The following EEF2K variants were observed in gnomAD, a reference collection of about 807,000 sequenced individuals.
EEF2K encodes the protein alternative protein EEF2K.
In EEF2K, 70 loss-of-function variants were observed where a neutral mutation model predicts 93.8. That is an observed-to-expected ratio of 0.75 (90% CI 0.62 to 0.91). The LOEUF is 0.91. Among genes scored for constraint, EEF2K ranks in the 40% least tolerant of loss-of-function variants. The pLI is 0.00. For synonymous variants in EEF2K, 376 were observed against 380.8 expected (o/e 0.99, Z 0.15); for missense variants, 935 against 972.9 (o/e 0.96, Z 0.52).
chr16:22,279,563 ATTTC>A (rs1382937410), intron 16 of EEF2K, among the ~76,000 whole-genome samples: 2 of 152,110 alleles, frequency 1.3e-5, no homozygotes, highest in African/African-American at 2.4e-5. Context: ...GGTATAAACA[ATTTC>A]TTTATACTCT....
At chr16:22,222,365 C>G (rs1449399426) in intron 1 of EEF2K, among the ~76,000 whole-genome samples, 1 of 151,688 alleles carries the variant, frequency 6.6e-6, no homozygotes, top group African/African-American at 2.4e-5. Flanking sequence ...ACCATCACAC[C>G]CAGCTAATTT....
At chr16:22,273,561 C>A in intron 15 of EEF2K, 65 bp from the exon 16 acceptor site, 1 of 1,585,488 alleles carries the variant, frequency 6.3e-7, no homozygotes, top group South Asian at 1.1e-5. Context: ...GTAGTGAGAT[C>A]TTGGCAGCCC....
intron 15 of EEF2K, among the ~76,000 whole-genome samples, chr16:22,271,266 G>A (rs1038216524): frequency 2.7e-5 from 4 of 150,792 alleles, no homozygotes; most frequent in African/African-American, 4.9e-5. Context: ...CACCACACCC[G>A]GCCTTTCTCT....
chr16:22,272,413 G>A (rs1283026724), intron 15 of EEF2K, among the ~76,000 whole-genome samples: 1 of 152,204 alleles, frequency 6.6e-6, no homozygotes, highest in African/African-American at 2.4e-5. Flanking sequence ...ACTGTGCTAA[G>A]TGAAAAGAGT....
chr16:22,207,586 G>T (rs907360127), intron 1 of EEF2K, among the ~76,000 whole-genome samples: 1 of 152,098 alleles, frequency 6.6e-6, no homozygotes, highest in Non-Finnish European at 1.5e-5. Context: ...GGCACACAGT[G>T]TCATAGTCTA....
At chr16:22,239,082 T>C (rs1598177466) in intron 2 of EEF2K, among the ~76,000 whole-genome samples, 1 of 133,192 alleles carries the variant, frequency 7.5e-6, no homozygotes, top group Non-Finnish European at 1.6e-5. Flanking sequence ...CTTTTTATAC[T>C]GTGCTTATTA....
chr16:22,264,363 A>G (rs1009724378), intron 12 of EEF2K, among the ~76,000 whole-genome samples: 1 of 149,836 alleles, frequency 6.7e-6, no homozygotes, highest in Non-Finnish European at 1.5e-5. Flanking sequence ...CCAGCACTTT[A>G]GGAGGGCAAT....
Position 22,280,246 on chromosome 16 carries a change from G to A in EEF2K, c.1938G>A (p.Glu646=). The A allele has an allele frequency of 1.2e-6, 2 of 1,602,106 alleles. No individual in the cohort carries two copies. Residue 646 remains glutamate, a synonymous_variant, in exon 17 of 18, where the codon GAG becomes GAA. Transcript: ENST00000263026. ...TGCACTGGTACAACACTGCCCTGGA[G>A]ATGACGGACTGTGATGAGGGCGGTG... is the stretch of plus-strand genomic sequence containing the variant. ...EALHWYNTAL[E]MTDCDEGGEY... is the part of the protein sequence containing the mutation.
At chr16:22,252,911 G>A (rs2047364962) in intron 6 of EEF2K, among the ~76,000 whole-genome samples, 1 of 152,020 alleles carries the variant, frequency 6.6e-6, no homozygotes, top group Non-Finnish European at 1.5e-5. Context: ...GAACAGTATG[G>A]GGGAAACCAC....
chr16:22,251,300 A>G lies in EEF2K; in HGVS notation c.596A>G (p.Asn199Ser). Residue 199 changes from asparagine to serine, a missense_variant, in exon 6 of 18, where the codon AAT becomes AGT. Transcript: ENST00000263026. ...GCCAAGCTCTGGGGGGAGGAGTATA[A>G]TCGGCACAAGCCCCCCAAGCAGGTG... The part of the protein sequence containing the change: ...MEAKLWGEEY[N>S]RHKPPKQVDI... 6.2e-7 allele frequency: 1 copy of G among 1,614,118 alleles called. No homozygotes were observed. Among genetic ancestry groups the G allele is most frequent in the Middle Eastern group, 1.7e-4 (1 of 6,060 alleles).
At chr16:22,222,333 G>T (rs755684096) in intron 1 of EEF2K, among the ~76,000 whole-genome samples, 2 of 151,656 alleles carry the variant, frequency 1.3e-5, no homozygotes, top group Non-Finnish European at 2.9e-5. Flanking sequence ...AACCACCTGA[G>T]TAGCTGGGAC....
intron 16 of EEF2K, among the ~76,000 whole-genome samples, chr16:22,277,468 C>T (rs2047648682): frequency 6.6e-6 from 1 of 152,140 alleles, no homozygotes. Flanking sequence ...AAGATTATTT[C>T]CTGAGCACCA....
In EEF2K at chr16:22,251,138, C is replaced by T; in HGVS notation, c.447-13C>T. On this transcript the variant is annotated splice_polypyrimidine_tract_variant and intron_variant, in intron 5 of 17. Transcript: ENST00000263026. ...GAGTACCCAGGTAGGCCCCCTGTTGCCTCTTCCCACAGGAAGAAGCTCTCC... is the reference window on the plus strand; with the variant it reads ...GAGTACCCAGGTAGGCCCCCTGTTGTCTCTTCCCACAGGAAGAAGCTCTCC... 2 of 1,610,838 alleles carry T rather than the reference C, an allele frequency of 1.2e-6. No homozygotes were observed. Among genetic ancestry groups the T allele is most frequent in the Admixed American group, 3.3e-5 (2 of 59,808 alleles).
At chr16:22,275,428 C>T (rs2047625033) in intron 16 of EEF2K, among the ~76,000 whole-genome samples, 1 of 151,936 alleles carries the variant, frequency 6.6e-6, no homozygotes, top group Non-Finnish European at 1.5e-5. Context: ...CTGCAACCTC[C>T]ACCTCCTGGG....
Position 22,257,545 on chromosome 16 carries a change from G to A in EEF2K, c.902-98G>A, listed in dbSNP as rs1598192660. The A allele has an allele frequency of 7.7e-6, 12 of 1,558,522 alleles. No individual in the cohort carries two copies. In the Admixed American group the frequency reaches 1.3e-4, roughly 17 times the overall value. On this transcript the variant is annotated intron_variant, in intron 8 of 17. Transcript: ENST00000263026. Reference sequence around the variant, plus strand: ...TGTCTGATGCCTCCCAGCTTGGCACGTTTTATACCTGCCCTGGCCATATGT... The same window carrying A: ...TGTCTGATGCCTCCCAGCTTGGCACATTTTATACCTGCCCTGGCCATATGT...
intron 2 of EEF2K, among the ~76,000 whole-genome samples, chr16:22,230,461 G>A (rs937830470): frequency 2.6e-5 from 4 of 151,968 alleles, no homozygotes; most frequent in African/African-American, 7.2e-5. Context: ...TGATCCGCCC[G>A]CCTCAGCTTC....
Position 22,244,693 on chromosome 16 carries a change from C to G in EEF2K, c.310C>G (p.Leu104Val). The change falls in exon 3 of 18, where the codon CTG becomes GTG. Residue 104 changes from leucine to valine, a missense_variant. Leu to Val is a conservative substitution (Grantham distance 32). Coordinates refer to ENST00000263026, the MANE Select transcript of EEF2K (RefSeq NM_013302.5). ...GCCCGACCCCTGGGCTGAGTTCCAC[C>G]TGGAAGATATTGCCACCGAACGTGC... ...HMPDPWAEFH[L>V]EDIATERATR... The G allele has an allele frequency of 6.2e-7, 1 of 1,614,074 alleles. No homozygotes were observed. The highest frequency in any genetic ancestry group is 1.1e-5 in the South Asian group (1 of 91,078).
chr16:22,273,125 T>A (rs1375652579), intron 15 of EEF2K, among the ~76,000 whole-genome samples: 3 of 152,218 alleles, frequency 2.0e-5, no homozygotes, highest in African/African-American at 7.2e-5. Flanking sequence ...GTGTCAGTGT[T>A]ATAGCTTAGG....
At chr16:22,265,957 A>G (rs1446453577) in intron 13 of EEF2K, among the ~76,000 whole-genome samples, 2 of 152,138 alleles carry the variant, frequency 1.3e-5, no homozygotes, top group African/African-American at 4.8e-5. Flanking sequence ...CCCACCCCCA[A>G]CCAAATCCAG....
Sources: gnomAD v4.1 joint callset for allele counts (sites outside exome capture counted in the v4.1 genomes callset) on GRCh38, gnomAD v4.1.1 for gene constraint, MANE v1.5 for transcripts, NCBI Gene and HGNC (gene_info 2026-07-23, HGNC 2026-07-21) for gene names.